Variants in ATP8A2 observed in about 807,000 individuals in gnomAD.
ATP8A2 encodes ATPase phospholipid transporting 8A2, also known as phospholipid-transporting ATPase IB.
Under a neutral mutation model 165.6 loss-of-function variants are expected in ATP8A2, and 100 were observed. The observed-to-expected ratio is 0.60, with a 90% CI of 0.51 to 0.71. The LOEUF (loss-of-function observed/expected upper bound fraction) is 0.71, where lower values mean the gene tolerates loss of function less well. Ranked by LOEUF, ATP8A2 falls within the 30% of genes least tolerant of loss-of-function variation. The pLI is 0.00. For synonymous variants in ATP8A2, 543 were observed against 548.8 expected, an observed-to-expected ratio of 0.99 and a Z score of 0.15; for missense variants, 1,227 against 1,479.5, an observed-to-expected ratio of 0.83 and a Z score of 2.80.
At chr13:25,745,820 C>T (rs2044018966) in intron 25 of ATP8A2, among the ~76,000 whole-genome samples, 1 of 152,176 alleles carries the variant, frequency 6.6e-6, no homozygotes, top group African/African-American at 2.4e-5. Flanking sequence ...ACAAAAACCA[C>T]CTGAGTTTTT....
intron 33 of ATP8A2, chr13:25,880,915 C>G (rs1187132171): frequency 4.4e-6 from 2 of 455,826 alleles, no homozygotes; most frequent in African/African-American, 4.0e-5. Flanking sequence ...CAGAAAAATT[C>G]CCCAAATCTA....
intron 24 of ATP8A2, among the ~76,000 whole-genome samples, chr13:25,652,328 G>A (rs2041832393): frequency 6.6e-6 from 1 of 152,164 alleles, no homozygotes; most frequent in African/African-American, 2.4e-5. Flanking sequence ...ACTGGTTTGG[G>A]ATTCCTCCTT....
At chr13:25,789,523 C>G (rs1431651301) in intron 27 of ATP8A2, among the ~76,000 whole-genome samples, 1 of 152,074 alleles carries the variant, frequency 6.6e-6, no homozygotes, top group Non-Finnish European at 1.5e-5. Context: ...ACTTAGGTAA[C>G]TAGGGAGGTG....
chr13:25,777,818 A>T (rs2044775925), intron 27 of ATP8A2, among the ~76,000 whole-genome samples: 1 of 152,220 alleles, frequency 6.6e-6, no homozygotes, highest in African/African-American at 2.4e-5. Flanking sequence ...AACCTATAAA[A>T]GTGGATTTTT....
At chr13:25,915,541 A>ATC (rs1954246893) in intron 33 of ATP8A2, among the ~76,000 whole-genome samples, 1 of 152,200 alleles carries the variant, frequency 6.6e-6, no homozygotes, top group Non-Finnish European at 1.5e-5. Context: ...CAATAAGTGA[A>ATC]ACATGGCCAA....
intron 33 of ATP8A2, among the ~76,000 whole-genome samples, chr13:25,898,464 TC>T (rs1164335293): frequency 6.6e-6 from 1 of 152,224 alleles, no homozygotes; most frequent in Non-Finnish European, 1.5e-5. Context: ...GTTAGGCTAC[TC>T]GGGGGTCAGG....
intron 27 of ATP8A2, among the ~76,000 whole-genome samples, chr13:25,823,945 A>T (rs1311953589): frequency 6.6e-6 from 1 of 151,822 alleles, no homozygotes; most frequent in East Asian, 1.9e-4. Flanking sequence ...AAGCTTTACT[A>T]CCTATCTCTA....
intron 25 of ATP8A2, among the ~76,000 whole-genome samples, chr13:25,766,152 G>C (rs911864729): frequency 8.5e-5 from 13 of 152,170 alleles, no homozygotes; most frequent in African/African-American, 3.1e-4. Context: ...CCTTAGTGAG[G>C]TTCCACCTCA....
intron 33 of ATP8A2, among the ~76,000 whole-genome samples, chr13:25,863,960 G>C (rs898840419): frequency 6.6e-6 from 1 of 152,188 alleles, no homozygotes; most frequent in Admixed American, 6.5e-5. Context: ...AGCAAAATGA[G>C]CATTTTCCAA....
At chr13:25,526,407 A>C (rs1173388238) in intron 2 of ATP8A2, among the ~76,000 whole-genome samples, 1 of 152,066 alleles carries the variant, frequency 6.6e-6, no homozygotes, top group Non-Finnish European at 1.5e-5. Context: ...TAGTTATTTC[A>C]GTTTTCTCTG....
Position 25,570,794 on chromosome 13 carries a change from C to G in ATP8A2, c.1501C>G (p.Leu501Val). ...CACAGCCCCTTGCATTCAGGAGTTC[C>G]TCACCCTTCTGGCCGTGTGCCACAC... Reference protein sequence around the residue: ...HPTAPCIQEFLTLLAVCHTVV... With the variant: ...HPTAPCIQEFVTLLAVCHTVV... Residue 501 changes from leucine (L) to valine (V), a missense_variant, in exon 17 of 37, where the codon CTC (leucine) becomes GTC (valine). Coordinates refer to ENST00000381655, the MANE Select transcript of ATP8A2 (RefSeq NM_016529.6). 1 of 1,613,812 alleles carries G rather than the reference C, an allele frequency of 6.2e-7. No individual in the cohort carries two copies. The highest frequency in any genetic ancestry group is 2.2e-5 in the East Asian group (1 of 44,868).
chr13:25,953,961 T>G lies in ATP8A2; in HGVS notation c.3184-7614T>G, dbSNP rs1421624537. On this transcript the variant is annotated intron_variant, in intron 33 of 36. Coordinates refer to ENST00000381655, the MANE Select transcript of ATP8A2 (RefSeq NM_016529.6). This position sits in a 1 kb window ranked among gnomAD's most constrained non-coding sequence, Gnocchi z 6.7. ...AGACACCGAGCTAGCTGCAGGAGTT[T>G]TTTTTTTTCATACCCCAGTGGCACC... is the stretch of plus-strand genomic sequence containing the variant. Among the ~76,000 whole-genome samples the G allele has an allele frequency of 1.5e-5, 1 of 68,224 alleles. No homozygotes were observed. The highest frequency in any genetic ancestry group is 2.7e-5 in the Non-Finnish European group (1 of 36,952). The allele number at this position is 68,224 out of a possible 152,430, so 44.8% of individuals were successfully genotyped here.
chr13:25,496,462 A>AGGAAATCT (rs2036682703), intron 2 of ATP8A2, among the ~76,000 whole-genome samples: 2 of 152,204 alleles, frequency 1.3e-5, no homozygotes, highest in South Asian at 4.1e-4. Flanking sequence ...GAAACAGTTT[A>AGGAAATCT]GGAAATCTGA....
At chr13:25,860,424 A>G (rs1345713840) in intron 31 of ATP8A2, among the ~76,000 whole-genome samples, 168 bp downstream of exon 31, 1 of 152,122 alleles carries the variant, frequency 6.6e-6, no homozygotes, top group East Asian at 1.9e-4. Flanking sequence ...TGCTTACATC[A>G]TCGTTTCTGA....
chr13:26,012,637 C>G lies in ATP8A2; in HGVS notation c.3469+15C>G, dbSNP rs2274135. The stretch of plus-strand genomic sequence containing the variant: ...GGGCGTCCCGCGTGAGTACCGCGGG[C>G]GGGGGCTGATGGAGGAGTGGGTGTC... On this transcript the variant is annotated intron_variant, in intron 36 of 36. Transcript: ENST00000381655. 2.1e-5 allele frequency: 30 copies of G among 1,429,588 alleles called. No homozygotes were observed. Among genetic ancestry groups the G allele is most frequent in the Non-Finnish European group, 2.6e-5 (28 of 1,086,964 alleles). 88.6% of individuals were successfully genotyped at this position (1,429,588 alleles called of 1,614,324 possible).
chr13:25,989,140 G>A (rs1429897445), intron 35 of ATP8A2, among the ~76,000 whole-genome samples: 2 of 152,182 alleles, frequency 1.3e-5, no homozygotes, highest in Admixed American at 1.3e-4. Flanking sequence ...TCAGTCAGGG[G>A]GTCCCTGCAG....
At chr13:25,468,831 G>T in intron 1 of ATP8A2, 146 bp from the exon 2 acceptor site, 2 of 1,314,004 alleles carry the variant, frequency 1.5e-6, no homozygotes, top group Non-Finnish European at 1.9e-6. Context: ...CGTCTCCAGG[G>T]GGAGCCAAGG....
At chr13:25,447,172 A>T (rs1008221954) in intron 1 of ATP8A2, among the ~76,000 whole-genome samples, 2 of 152,178 alleles carry the variant, frequency 1.3e-5, no homozygotes, top group African/African-American at 4.8e-5. Context: ...AATAGCAGAG[A>T]TATTTAGGTT....
At chr13:25,487,858 T>G (rs1055840000) in intron 2 of ATP8A2, among the ~76,000 whole-genome samples, 4 of 152,058 alleles carry the variant, frequency 2.6e-5, no homozygotes, top group Non-Finnish European at 4.4e-5. Flanking sequence ...TTTTTTTTTT[T>G]GTAATAGCCT....
Sources: gnomAD v4.1 joint callset for allele counts (sites outside exome capture counted in the v4.1 genomes callset) on GRCh38, gnomAD v4.1.1 for gene constraint, Gnocchi (gnomAD v3.1) non-coding constraint, MANE v1.5 for transcripts, NCBI Gene and HGNC (gene_info 2026-07-23, HGNC 2026-07-21) for gene names.